OPCML: variants seen among roughly 807,000 people sequenced by gnomAD.
OPCML encodes the protein opioid binding protein/cell adhesion molecule like, also known as opioid-binding protein/cell adhesion molecule.
In OPCML, 13 loss-of-function variants were observed where a neutral mutation model predicts 37.8. The ratio of observed to expected loss-of-function variants is 0.34; its 90% CI spans 0.22 to 0.55. The LOEUF (loss-of-function observed/expected upper bound fraction) is 0.55, where lower values mean the gene tolerates loss of function less well. Ranked by LOEUF, OPCML falls within the 20% of genes least tolerant of loss-of-function variation. The pLI is 0.91. For synonymous variants in OPCML, 176 were observed against 168.8 expected (o/e 1.04, Z -0.33); for missense variants, 341 against 435.6 (o/e 0.78, Z 1.93).
At chr11:133,157,914 C>CG (rs1950084934) in intron 1 of OPCML, among the ~76,000 whole-genome samples, 3 of 152,220 alleles carry the variant, frequency 2.0e-5, no homozygotes, top group South Asian at 2.1e-4. Flanking sequence ...CTGCTTGCCC[C>CG]GGGGGGCACT....
At chr11:133,304,911 G>A (rs561936421) in intron 1 of OPCML, among the ~76,000 whole-genome samples, 1 of 152,196 alleles carries the variant, frequency 6.6e-6, no homozygotes, top group Non-Finnish European at 1.5e-5. Flanking sequence ...ACAATTTGCT[G>A]TATAGTCAAA....
chr11:133,263,011 C>A (rs1941540631), intron 1 of OPCML, among the ~76,000 whole-genome samples: 2 of 151,580 alleles, frequency 1.3e-5, no homozygotes, highest in East Asian at 2.0e-4. Flanking sequence ...AACCTTATCC[C>A]AAACCAATAA....
In OPCML at chr11:132,880,649, G is replaced by A. The variant is rs181189232; in HGVS notation, c.146+62277C>T. Among the ~76,000 whole-genome samples the A allele has an allele frequency of 2.2e-4, 34 of 152,252 alleles. No homozygotes were observed. In the East Asian group the frequency reaches 2.7e-3, roughly 12 times the overall value. On this transcript the variant is annotated intron_variant, in intron 2 of 7. Transcript: ENST00000524381. ...TTAAAACGTACAAAATAAAGTGAAC[G>A]CCCAAAAGGAAAAGTGATTTGGAAA...
chr11:132,564,824 A>G (rs1419555063), intron 3 of OPCML, among the ~76,000 whole-genome samples: 1 of 152,246 alleles, frequency 6.6e-6, no homozygotes, highest in African/African-American at 2.4e-5. Context: ...GAGACTGGAC[A>G]AAGTCAACGG....
intron 1 of OPCML, among the ~76,000 whole-genome samples, chr11:133,435,372 A>T (rs1262429259): frequency 6.6e-6 from 1 of 152,200 alleles, no homozygotes; most frequent in Non-Finnish European, 1.5e-5. Flanking sequence ...ACATTTGTTG[A>T]AATGAGTAGG....
intron 2 of OPCML, among the ~76,000 whole-genome samples, chr11:132,699,032 A>C (rs1411431166): frequency 1.3e-5 from 2 of 151,928 alleles, no homozygotes; most frequent in Non-Finnish European, 2.9e-5. Context: ...TGTCATCTTT[A>C]ATTTTTTTCA....
chr11:133,225,573 G>A (rs1369673373), intron 1 of OPCML, among the ~76,000 whole-genome samples: 2 of 152,218 alleles, frequency 1.3e-5, no homozygotes, highest in Non-Finnish European at 2.9e-5. Context: ...TAGCTGCCAT[G>A]ACTGGCCACA....
At position 132,713,061 on chromosome 11, in the gene OPCML, C is replaced by G. The variant is rs141512027; in HGVS notation, c.147-55742G>C. Among the ~76,000 whole-genome samples, 675 of 152,252 alleles carry G rather than the reference C, an allele frequency of 4.4e-3. 5 individuals are homozygous for G. Among genetic ancestry groups the G allele is most frequent in the South Asian group, 0.018 (86 of 4,812 alleles). The stretch of plus-strand genomic sequence containing the variant: ...CCTGCTTTTTCCCCCTCATAGATCC[C>G]TATCCCCTTTGTTTCCTCTCTTCCA... On this transcript the variant is annotated intron_variant, in intron 2 of 7. Transcript: ENST00000524381.
intron 1 of OPCML, among the ~76,000 whole-genome samples, chr11:133,438,960 C>G (rs1241510525): frequency 2.0e-5 from 3 of 152,168 alleles, no homozygotes; most frequent in Non-Finnish European, 4.4e-5. Context: ...CCCCCACACA[C>G]CACACCCCAT....
chr11:132,594,947 TC>T (rs2096490177), intron 3 of OPCML, among the ~76,000 whole-genome samples: 1 of 152,246 alleles, frequency 6.6e-6, no homozygotes, highest in South Asian at 2.1e-4. Context: ...GCAGATATGC[TC>T]TATTTCAAGA....
intron 1 of OPCML, among the ~76,000 whole-genome samples, chr11:133,279,479 G>C (rs892499357): frequency 3.3e-5 from 5 of 152,134 alleles, no homozygotes; most frequent in African/African-American, 1.2e-4. Context: ...ATAAGCAGCC[G>C]TCTGGCTAAA....
At chr11:132,727,691 A>C (rs1944934835) in intron 2 of OPCML, among the ~76,000 whole-genome samples, 1 of 152,180 alleles carries the variant, frequency 6.6e-6, no homozygotes, top group Admixed American at 6.5e-5. Flanking sequence ...GGATTTTTAA[A>C]ACCTCCCAGG....
At chr11:132,781,492 C>T (rs1688154031) in intron 2 of OPCML, among the ~76,000 whole-genome samples, 1 of 151,982 alleles carries the variant, frequency 6.6e-6, no homozygotes, top group South Asian at 2.1e-4. Context: ...CTGCAGCTTG[C>T]CCACTGTGGA....
intron 1 of OPCML, among the ~76,000 whole-genome samples, chr11:133,281,670 T>C (rs1017770331): frequency 6.6e-6 from 1 of 151,792 alleles, no homozygotes; most frequent in Non-Finnish European, 1.5e-5. Flanking sequence ...TGGAAGAGTG[T>C]AGAGGGCTCA....
chr11:133,035,022 A>G (rs752353614), intron 1 of OPCML, among the ~76,000 whole-genome samples: 4 of 152,138 alleles, frequency 2.6e-5, no homozygotes, highest in Non-Finnish European at 2.9e-5. Context: ...GGTTGATATG[A>G]CCTTCAACAC....
At chr11:132,874,249 G>A in intron 2 of OPCML, among the ~76,000 whole-genome samples, 1 of 152,098 alleles carries the variant, frequency 6.6e-6, no homozygotes, top group East Asian at 1.9e-4. Flanking sequence ...AACTATCAGA[G>A]CCTGGCTCAG....
intron 1 of OPCML, among the ~76,000 whole-genome samples, chr11:133,126,131 A>G (rs1949511158): frequency 6.6e-6 from 1 of 151,934 alleles, no homozygotes; most frequent in Admixed American, 6.6e-5. Flanking sequence ...AAATCGGCTC[A>G]CATAGAGGTT....
intron 2 of OPCML, among the ~76,000 whole-genome samples, chr11:132,812,830 T>G (rs763045135): frequency 6.6e-6 from 1 of 152,220 alleles, no homozygotes; most frequent in Non-Finnish European, 1.5e-5. Context: ...GAGCCTGCTT[T>G]TACTAGTACT....
At chr11:132,947,083 A>T (rs1043951149) in intron 1 of OPCML, among the ~76,000 whole-genome samples, 1 of 152,166 alleles carries the variant, frequency 6.6e-6, no homozygotes, top group Non-Finnish European at 1.5e-5. Flanking sequence ...TAGGGCATTC[A>T]GATCCCTTCC....
Sources: gnomAD v4.1 joint callset for allele counts (sites outside exome capture counted in the v4.1 genomes callset) on GRCh38, gnomAD v4.1.1 for gene constraint, MANE v1.5 for transcripts, NCBI Gene and HGNC (gene_info 2026-07-23, HGNC 2026-07-21) for gene names.